SOD2: variants seen among roughly 807,000 people sequenced by gnomAD.
The protein encoded by SOD2 is superoxide dismutase 2.
In SOD2, 11 loss-of-function variants were observed where a neutral mutation model predicts 27.0. The ratio of observed to expected loss-of-function variants is 0.41; its 90% CI spans 0.26 to 0.67. The LOEUF (loss-of-function observed/expected upper bound fraction) is 0.67. Among genes scored for constraint, SOD2 ranks in the 30% least tolerant of loss-of-function variants. SOD2 has a pLI of 0.34. For missense variants in SOD2, 250 were observed against 274.5 expected (o/e 0.91, Z 0.63); for synonymous variants, 105 against 103.0 (o/e 1.02, Z -0.12).
exon 1 of SOD2, chr6:159,762,276 A>C (rs1780155807): frequency 7.7e-7 from 1 of 1,293,872 alleles, no homozygotes; most frequent in Non-Finnish European, 1.0e-6. Flanking sequence ...GAGCCGCGGG[A>C]TCCCTGGAAC....
At position 159,672,008 on chromosome 6, in the gene SOD2, T is replaced by C. The variant is rs1423282300; in HGVS notation, c.*10485A>G. On this transcript the variant is annotated 3_prime_UTR_variant, in exon 5 of 5. Coordinates refer to ENST00000538183, the MANE Select transcript of SOD2 (RefSeq NM_000636.4). Reference sequence around the variant, plus strand: ...AGGTTATCAGTGATTGAAGATCAGATGAATGAAATGAAGTGAGAAGAGAAG... The same window carrying C: ...AGGTTATCAGTGATTGAAGATCAGACGAATGAAATGAAGTGAGAAGAGAAG... 2 of 152,130 alleles carry C rather than the reference T, an allele frequency of 1.3e-5. No individual in the cohort carries two copies. The highest frequency in any genetic ancestry group is 2.9e-5 in the Non-Finnish European group (2 of 68,036). 9.4% of individuals were successfully genotyped at this position (152,130 alleles called of 1,614,324 possible). A position where few individuals can be genotyped will look rare whatever the true frequency, so the allele number is the denominator to read the frequency against.
chr6:159,683,901 G>A (rs1402243781), intron 4 of SOD2, among the ~76,000 whole-genome samples: 1 of 152,214 alleles, frequency 6.6e-6, no homozygotes, highest in Admixed American at 6.5e-5. Flanking sequence ...TCCAATGTCA[G>A]GGGTAGAAGA....
chr6:159,688,897 GA>G (rs985474877), intron 2 of SOD2, among the ~76,000 whole-genome samples: 1 of 151,906 alleles, frequency 6.6e-6, no homozygotes, highest in Non-Finnish European at 1.5e-5. Context: ...AAAAATAAAA[GA>G]AAAAAATAAA....
At chr6:159,710,932 C>G (rs1277686558) in intron 1 of SOD2, among the ~76,000 whole-genome samples, 1 of 139,868 alleles carries the variant, frequency 7.1e-6, no homozygotes, top group East Asian at 2.2e-4. Flanking sequence ...ACCATAACCA[C>G]CTCCATAACC....
chr6:159,755,511 A>T (rs1299060279), intron 1 of SOD2: 2 of 1,614,164 alleles, frequency 1.2e-6, no homozygotes, highest in Non-Finnish European at 1.7e-6. Context: ...GACCCTCAAG[A>T]GGAGAAAGCA....
intron 1 of SOD2, chr6:159,743,817 G>A (rs1384143383): frequency 1.3e-6 from 2 of 1,574,464 alleles, no homozygotes; most frequent in Middle Eastern, 1.7e-4. Context: ...TTATATAAAT[G>A]TCTTTAGTTG....
intron 1 of SOD2, among the ~76,000 whole-genome samples, chr6:159,735,863 CTT>C (rs1778882185): frequency 6.6e-6 from 1 of 152,108 alleles, no homozygotes; most frequent in Non-Finnish European, 1.5e-5. Flanking sequence ...AAAGGAAAGA[CTT>C]AAACTGGTAT....
At chr6:159,705,368 C>T (rs917746299) in intron 1 of SOD2, among the ~76,000 whole-genome samples, 4 of 152,056 alleles carry the variant, frequency 2.6e-5, no homozygotes, top group South Asian at 2.1e-4. Flanking sequence ...AGTTAAAAAC[C>T]ATGAAAAAAG....
At chr6:159,706,840 T>C (rs1777636880) in intron 1 of SOD2, among the ~76,000 whole-genome samples, 1 of 152,190 alleles carries the variant, frequency 6.6e-6, no homozygotes, top group Non-Finnish European at 1.5e-5. Flanking sequence ...ACATCGCACC[T>C]ATTCCAAAAC....
rs1294737982 is a variant in SOD2 at position 159,712,196 on chromosome 6, GCT to G, written c.-116+14931_-116+14932del. ...CACCTCCACAACCACCACCCACATTGCTCTGATCACCATAACCACCTCCATAA... is the reference window on the plus strand; with the variant it reads ...CACCTCCACAACCACCACCCACATTGCTGATCACCATAACCACCTCCATAA... On this transcript the variant is annotated intron_variant, in intron 1 of 2. Coordinates refer to the SOD2 transcript ENST00000401980. 5.8e-4 allele frequency among the ~76,000 whole-genome samples: 68 copies of G among 116,630 alleles called. 8 individuals are homozygous for G. Among genetic ancestry groups the G allele is most frequent in the South Asian group, 1.0e-3 (3 of 2,958 alleles). 76.5% of individuals were successfully genotyped at this position (116,630 alleles called of 152,430 possible). A position where few individuals can be genotyped will look rare whatever the true frequency, so the allele number is the denominator to read the frequency against.
chr6:159,713,470 A>G, intron 1 of SOD2: 1 of 661,494 alleles, frequency 1.5e-6, no homozygotes, highest in Non-Finnish European at 2.8e-6. Flanking sequence ...CCTGTGCCCT[A>G]TTCTTTCCCT....
Position 159,681,427 on chromosome 6 carries a change from G to A in SOD2, c.*1066C>T, listed in dbSNP as rs1053323583. 6.6e-6 allele frequency: 1 copy of A among 152,266 alleles called. No homozygotes were observed. The highest frequency in any genetic ancestry group is 3.1e-3 in the Middle Eastern group (1 of 320). 9.4% of individuals were successfully genotyped at this position (152,266 alleles called of 1,614,324 possible). A position where few individuals can be genotyped will look rare whatever the true frequency, so the allele number is the denominator to read the frequency against. On this transcript the variant is annotated 3_prime_UTR_variant, in exon 5 of 5. Transcript: ENST00000538183. ...AGACGTCAGATAAGGGGGAACACCA[G>A]GGACTAAACTCTGACCTCCATTCTT...
chr6:159,727,840 G>A (rs1231240705), upstream of SOD2: 17 of 589,080 alleles, frequency 2.9e-5, no homozygotes, highest in South Asian at 8.9e-4. Context: ...CCGGTCTCTC[G>A]TGAGCCGCTC....
At chr6:159,752,353 T>C (rs1779851221) in intron 1 of SOD2, among the ~76,000 whole-genome samples, 1 of 152,112 alleles carries the variant, frequency 6.6e-6, no homozygotes, top group Non-Finnish European at 1.5e-5. Flanking sequence ...GATCATTTCT[T>C]TTTTTTTCTT....
chr6:159,748,125 T>C (rs575760274), upstream of SOD2: 44 of 1,518,350 alleles, frequency 2.9e-5, no homozygotes, highest in African/African-American at 5.3e-4. The surrounding 1 kb of genome is among the most constrained non-coding windows in gnomAD (Gnocchi z 5.6). Flanking sequence ...ATGGAGGGAG[T>C]TTTCCCCACC....
chr6:159,686,514 G>T (rs1266910674), intron 3 of SOD2, among the ~76,000 whole-genome samples: 1 of 152,100 alleles, frequency 6.6e-6, no homozygotes, highest in Non-Finnish European at 1.5e-5. Context: ...CGGGCATGGT[G>T]GCAGGCACCT....
At chr6:159,706,975 C>T (rs1024425859) in intron 1 of SOD2, among the ~76,000 whole-genome samples, 2 of 152,028 alleles carry the variant, frequency 1.3e-5, no homozygotes, top group African/African-American at 2.4e-5. Flanking sequence ...CACTCAAAAC[C>T]ACTCAACTTC....
In SOD2 at chr6:159,677,065, TAA is replaced by T. The variant is rs1156976339; in HGVS notation, c.*5426_*5427del. ...CATATTTACAATATGATAAATACAT[TAA>T]GTCACATTGTTTAATATTTGGATAT... is the stretch of plus-strand genomic sequence containing the variant. On this transcript the variant is annotated 3_prime_UTR_variant, in exon 5 of 5. Coordinates refer to ENST00000538183, the MANE Select transcript of SOD2 (RefSeq NM_000636.4). The T allele has an allele frequency of 6.6e-6, 1 of 152,212 alleles. No individual in the cohort carries two copies. The highest frequency in any genetic ancestry group is 2.4e-5 in the African/African-American group (1 of 41,450). The allele number at this position is 152,212 out of a possible 1,614,324, so 9.4% of individuals were successfully genotyped here.
intron 1 of SOD2, among the ~76,000 whole-genome samples, chr6:159,720,847 CTTTTTTTTTTTTTTT>C (rs763455003): frequency 1.7e-5 from 1 of 59,946 alleles, no homozygotes; most frequent in Non-Finnish European, 2.9e-5. Flanking sequence ...TTTTCTTTAC[CTTTTTTTTTTTTTTT>C]TTTTTTTTTT....
Sources: allele counts gnomAD v4.1 joint callset (sites outside exome capture counted in the v4.1 genomes callset), GRCh38; gene constraint gnomAD v4.1.1; non-coding constraint Gnocchi (gnomAD v3.1); transcripts MANE v1.5; gene names NCBI Gene and HGNC (gene_info 2026-07-23, HGNC 2026-07-21).